Variants in CCSER1 observed in about 807,000 individuals in gnomAD.
The protein encoded by CCSER1 is coiled-coil serine rich protein 1.
CCSER1 carries 41 observed loss-of-function variants against 82.0 expected under a neutral mutation model. The observed-to-expected ratio is 0.50, with a 90% CI of 0.39 to 0.65. The LOEUF (loss-of-function observed/expected upper bound fraction) is 0.65, where lower values mean the gene tolerates loss of function less well. CCSER1 is among the 30% of genes least tolerant of loss of function. CCSER1 has a pLI of 0.00. For missense variants in CCSER1, 1,119 were observed against 1,064.2 expected (o/e 1.05, Z -0.72); for synonymous variants, 414 against 383.9 (o/e 1.08, Z -0.92).
At chr4:91,340,925 C>T (rs1747682554) in intron 10 of CCSER1, among the ~76,000 whole-genome samples, 1 of 152,130 alleles carries the variant, frequency 6.6e-6, no homozygotes. Context: ...AATCATTTAG[C>T]TTTTGTGAGT....
chr4:90,142,545 A>G (rs949132915), intron 1 of CCSER1, among the ~76,000 whole-genome samples: 2 of 152,156 alleles, frequency 1.3e-5, no homozygotes, highest in African/African-American at 4.8e-5. Flanking sequence ...GCTTTGCCAA[A>G]TAACTACAGC....
chr4:91,557,180 T>C (rs747620553), intron 10 of CCSER1, among the ~76,000 whole-genome samples: 49 of 151,376 alleles, frequency 3.2e-4, no homozygotes, highest in Admixed American at 1.1e-3. Flanking sequence ...ACATCAGAGC[T>C]CCTGCATGTT....
intron 10 of CCSER1, among the ~76,000 whole-genome samples, chr4:91,440,748 G>A (rs1214496305): frequency 6.6e-6 from 1 of 151,934 alleles, no homozygotes; most frequent in African/African-American, 2.4e-5. Context: ...AGAAAAGAGA[G>A]AAGAATCAAA....
chr4:90,731,848 A>G (rs79084193), intron 7 of CCSER1, among the ~76,000 whole-genome samples: 4,110 of 152,192 alleles, frequency 0.027, 148 homozygotes, highest in African/African-American at 0.087. Flanking sequence ...ATTGATGTTT[A>G]TGATTCTGTA....
chr4:90,328,349 G>T (rs368009542), intron 3 of CCSER1, among the ~76,000 whole-genome samples: 3,746 of 147,194 alleles, frequency 0.025, 58 homozygotes, highest in South Asian at 0.046. Flanking sequence ...TTTTTTTTTT[G>T]ATGTATATTG....
intron 10 of CCSER1, among the ~76,000 whole-genome samples, chr4:91,145,378 A>G (rs1474826788): frequency 6.6e-6 from 1 of 152,166 alleles, no homozygotes; most frequent in African/African-American, 2.4e-5. Context: ...TCTTGAAGGC[A>G]GAAAAAGGTT....
chr4:91,118,020 T>G (rs1726775843), intron 10 of CCSER1, among the ~76,000 whole-genome samples: 1 of 152,146 alleles, frequency 6.6e-6, no homozygotes, highest in Non-Finnish European at 1.5e-5. Context: ...TAGTTCTAAA[T>G]TTTATTATGT....
chr4:91,468,910 A>G (rs531844392), intron 10 of CCSER1, among the ~76,000 whole-genome samples: 4 of 152,268 alleles, frequency 2.6e-5, no homozygotes, highest in African/African-American at 9.6e-5. Flanking sequence ...ATATGTCCAT[A>G]TAATTTTAAG....
intron 5 of CCSER1, among the ~76,000 whole-genome samples, chr4:90,588,840 A>G (rs1041988950): frequency 6.6e-6 from 1 of 152,142 alleles, no homozygotes; most frequent in Non-Finnish European, 1.5e-5. Flanking sequence ...AGCTTCCACC[A>G]TGATGGTGAG....
intron 1 of CCSER1, among the ~76,000 whole-genome samples, chr4:90,305,196 G>A (rs976535509): frequency 3.3e-5 from 5 of 152,154 alleles, no homozygotes; most frequent in East Asian, 1.9e-4. Flanking sequence ...GATTACAGGC[G>A]TGAGCCACCG....
intron 10 of CCSER1, among the ~76,000 whole-genome samples, chr4:91,261,632 T>C (rs188281933): frequency 1.2e-4 from 19 of 152,294 alleles, no homozygotes; most frequent in Non-Finnish European, 2.9e-5. Context: ...TTAAATGAGA[T>C]ATACAGAATA....
intron 7 of CCSER1, among the ~76,000 whole-genome samples, chr4:90,814,693 T>C (rs1758771040): frequency 1.3e-5 from 2 of 152,174 alleles, no homozygotes; most frequent in African/African-American, 4.8e-5. Context: ...CACAGATCTG[T>C]AGGGCAGTGG....
At chr4:91,545,633 T>C (rs1578750899) in intron 10 of CCSER1, among the ~76,000 whole-genome samples, 1 of 152,282 alleles carries the variant, frequency 6.6e-6, no homozygotes, top group East Asian at 1.9e-4. Context: ...ATAATAACTT[T>C]CTATCTTACA....
At chr4:91,122,629 T>C (rs1257938809) in intron 10 of CCSER1, among the ~76,000 whole-genome samples, 1 of 151,782 alleles carries the variant, frequency 6.6e-6, no homozygotes, top group African/African-American at 2.4e-5. Context: ...ACTATAAATA[T>C]AGATCATATT....
At chr4:91,201,636 G>C (rs993429504) in intron 10 of CCSER1, among the ~76,000 whole-genome samples, 5 of 152,108 alleles carry the variant, frequency 3.3e-5, no homozygotes, top group African/African-American at 7.2e-5. Flanking sequence ...TTGGACTATT[G>C]TTGTAAACCT....
chr4:90,456,730 G>T (rs1762216661), intron 4 of CCSER1, among the ~76,000 whole-genome samples: 1 of 152,204 alleles, frequency 6.6e-6, no homozygotes, highest in Non-Finnish European at 1.5e-5. Context: ...GCCAAGAGAG[G>T]CATGGCATTT....
intron 10 of CCSER1, among the ~76,000 whole-genome samples, chr4:91,306,485 A>G (rs918606809): frequency 2.0e-5 from 3 of 152,028 alleles, no homozygotes; most frequent in Admixed American, 2.0e-4. Flanking sequence ...ATTCTTTTTA[A>G]ACCTCTATAC....
intron 10 of CCSER1, among the ~76,000 whole-genome samples, chr4:91,148,651 C>T (rs1479073151): frequency 1.3e-5 from 2 of 152,120 alleles, no homozygotes; most frequent in African/African-American, 4.8e-5. Context: ...CACCCCATGA[C>T]AGGCCCCGGT....
At chr4:90,801,765 G>A (rs894607085) in intron 7 of CCSER1, among the ~76,000 whole-genome samples, 2 of 151,974 alleles carry the variant, frequency 1.3e-5, no homozygotes, top group Admixed American at 6.6e-5. Context: ...TGTTTTATTT[G>A]TAAACTTCAT....
Sources: allele counts gnomAD v4.1 joint callset (sites outside exome capture counted in the v4.1 genomes callset), GRCh38; gene constraint gnomAD v4.1.1; transcripts MANE v1.5; gene names NCBI Gene and HGNC (gene_info 2026-07-23, HGNC 2026-07-21).